Variants in CHSY3 observed in about 807,000 individuals in gnomAD.
The protein encoded by CHSY3 is chondroitin sulfate synthase 3.
A neutral mutation model predicts 67.2 loss-of-function variants in CHSY3; 35 were observed. The ratio of observed to expected loss-of-function variants is 0.52; its 90% CI spans 0.40 to 0.69. The LOEUF (loss-of-function observed/expected upper bound fraction) is 0.69, where lower values mean the gene tolerates loss of function less well. CHSY3 is among the 30% of genes least tolerant of loss of function. The pLI is 0.00. For missense variants in CHSY3, 1,069 were observed against 1,138.5 expected (o/e 0.94, Z 0.88); for synonymous variants, 474 against 434.7 (o/e 1.09, Z -1.12).
At chr5:130,087,762 A>G (rs368024807) in intron 2 of CHSY3, among the ~76,000 whole-genome samples, 4 of 151,846 alleles carry the variant, frequency 2.6e-5, no homozygotes, top group Admixed American at 6.6e-5. Context: ...TGGGTAGGAA[A>G]AATCAATATC....
intron 2 of CHSY3, among the ~76,000 whole-genome samples, chr5:129,986,868 C>T (rs1409101418): frequency 6.6e-6 from 1 of 152,114 alleles, no homozygotes; most frequent in Non-Finnish European, 1.5e-5. Flanking sequence ...GTCTTGAACT[C>T]CTGAGGTTAA....
intron 2 of CHSY3, among the ~76,000 whole-genome samples, chr5:130,170,383 C>A (rs1440087783): frequency 6.6e-6 from 1 of 152,028 alleles, no homozygotes; most frequent in East Asian, 1.9e-4. Context: ...ATCCAGTCAA[C>A]TGTTGATGGA....
At chr5:129,974,310 C>T (rs1762730766) in intron 2 of CHSY3, among the ~76,000 whole-genome samples, 1 of 152,026 alleles carries the variant, frequency 6.6e-6, no homozygotes, top group Non-Finnish European at 1.5e-5. Flanking sequence ...AAGGATAACT[C>T]AACTGACCCT....
intron 2 of CHSY3, among the ~76,000 whole-genome samples, chr5:130,073,988 T>C (rs1014794708): frequency 6.6e-6 from 1 of 152,186 alleles, no homozygotes; most frequent in Non-Finnish European, 1.5e-5. Flanking sequence ...TGACTTTTTC[T>C]TTTCTTTTCT....
chr5:130,139,357 T>C (rs979888684), intron 2 of CHSY3, among the ~76,000 whole-genome samples: 2 of 152,130 alleles, frequency 1.3e-5, no homozygotes, highest in African/African-American at 2.4e-5. Flanking sequence ...ATTTTTCCCA[T>C]CATATGAAGT....
Position 129,981,050 on chromosome 5 carries a change from CAAAAAAAAA to C in CHSY3, c.1086+72703_1086+72711del, listed in dbSNP as rs71000945. On this transcript the variant is annotated intron_variant, in intron 2 of 2. Transcript: ENST00000305031. Reference sequence around the variant, plus strand: ...TGAAACCCCGTCTCTACTGAAAATACAAAAAAAAAAAAAAAAAAAAATTAGCCGGACGTG... The same window carrying C: ...TGAAACCCCGTCTCTACTGAAAATACAAAAAAAAAAAATTAGCCGGACGTG... Among the ~76,000 whole-genome samples the C allele has an allele frequency of 7.6e-4, 100 of 130,928 alleles. 1 individual carries two copies. Among genetic ancestry groups the C allele is most frequent in the Admixed American group, 7.2e-3 (92 of 12,798 alleles). 85.9% of individuals were successfully genotyped at this position (130,928 alleles called of 152,430 possible). A position where few individuals can be genotyped will look rare whatever the true frequency, so the allele number is the denominator to read the frequency against.
At chr5:130,016,474 C>T (rs183718276) in intron 2 of CHSY3, among the ~76,000 whole-genome samples, 12 of 152,168 alleles carry the variant, frequency 7.9e-5, no homozygotes, top group Middle Eastern at 3.2e-3. Context: ...TGCAGTGGCA[C>T]GATCTCAGCT....
At chr5:130,015,754 A>G (rs1436978291) in intron 2 of CHSY3, among the ~76,000 whole-genome samples, 1 of 152,208 alleles carries the variant, frequency 6.6e-6, no homozygotes, top group African/African-American at 2.4e-5. Flanking sequence ...AGGAATAGAA[A>G]TCATTCTACT....
At chr5:129,904,230 G>C (rs1014121193), upstream of CHSY3, among the ~76,000 whole-genome samples, 2 of 151,524 alleles carry the variant, frequency 1.3e-5, no homozygotes, top group Non-Finnish European at 2.9e-5. Flanking sequence ...GAGGCGGCCC[G>C]ACAGGGATCG....
intron 2 of CHSY3, among the ~76,000 whole-genome samples, chr5:129,954,862 T>A (rs1762125370): frequency 6.6e-6 from 1 of 152,034 alleles, no homozygotes; most frequent in South Asian, 2.1e-4. Flanking sequence ...TGCCTGTATC[T>A]TCTTAAATAT....
intron 2 of CHSY3, among the ~76,000 whole-genome samples, chr5:129,987,722 T>C (rs1293169264): frequency 6.6e-6 from 1 of 152,186 alleles, no homozygotes; most frequent in Non-Finnish European, 1.5e-5. Context: ...ATTTCTGTCT[T>C]GTATTAGTTG....
chr5:130,055,277 T>C (rs1371958455), intron 2 of CHSY3, among the ~76,000 whole-genome samples: 3 of 119,796 alleles, frequency 2.5e-5, no homozygotes, highest in Non-Finnish European at 5.4e-5. Context: ...ATTTGCCCCT[T>C]GTAAAAAAAA....
chr5:130,087,902 A>G (rs1196974441), intron 2 of CHSY3, among the ~76,000 whole-genome samples: 1 of 151,906 alleles, frequency 6.6e-6, no homozygotes, highest in Non-Finnish European at 1.5e-5. Flanking sequence ...AAGAGCCCAC[A>G]TCGCCAAGTC....
chr5:129,951,675 C>A (rs915783817), intron 2 of CHSY3, among the ~76,000 whole-genome samples: 1 of 152,136 alleles, frequency 6.6e-6, no homozygotes, highest in Non-Finnish European at 1.5e-5. Flanking sequence ...CACCCATTGT[C>A]TCTCCATGTG....
chr5:130,141,316 T>A (rs1768858754), intron 2 of CHSY3: 4 of 392,440 alleles, frequency 1.0e-5, no homozygotes, highest in South Asian at 9.7e-5. Flanking sequence ...TTACCTACTT[T>A]GACAACCAGC....
intron 2 of CHSY3, among the ~76,000 whole-genome samples, chr5:130,149,026 G>C (rs77501685): frequency 2.5e-4 from 38 of 152,170 alleles, no homozygotes; most frequent in African/African-American, 9.2e-4. Flanking sequence ...TTATAGTTTT[G>C]TGTTTTACAT....
chr5:130,008,659 G>C (rs1394373418), intron 2 of CHSY3, among the ~76,000 whole-genome samples: 2 of 152,172 alleles, frequency 1.3e-5, no homozygotes, highest in Non-Finnish European at 2.9e-5. Flanking sequence ...TCAGAATCTG[G>C]ATGGCAATGA....
chr5:130,037,490 A>T (rs1013312522), intron 2 of CHSY3, among the ~76,000 whole-genome samples: 3 of 152,116 alleles, frequency 2.0e-5, no homozygotes, highest in African/African-American at 7.2e-5. Flanking sequence ...TAAGTATTTT[A>T]AAAAGCTTTT....
rs1554082167 is a variant in CHSY3, at chr5:130,091,146, G to GCACGCA, written c.1087-93080_1087-93079insGCACAC. On this transcript the variant is annotated intron_variant, in intron 2 of 2. Coordinates refer to ENST00000305031, the MANE Select transcript of CHSY3 (RefSeq NM_175856.5). The stretch of plus-strand genomic sequence containing the variant: ...CACACACACACACACGCACACGCGC[G>GCACGCA]CACACACACACACACACTACTTTTG... 8.8e-3 allele frequency among the ~76,000 whole-genome samples: 1,313 copies of GCACGCA among 149,516 alleles called. 14 individuals are homozygous for GCACGCA. The highest frequency in any genetic ancestry group is 0.03 in the African/African-American group (1,217 of 40,350).
Sources: allele counts gnomAD v4.1 joint callset (sites outside exome capture counted in the v4.1 genomes callset), GRCh38; gene constraint gnomAD v4.1.1; transcripts MANE v1.5; gene names NCBI Gene and HGNC (gene_info 2026-07-23, HGNC 2026-07-21).